LUC7L: variants seen among roughly 807,000 people sequenced by gnomAD.
LUC7L encodes LUC7 like.
Under a neutral mutation model 51.1 loss-of-function variants are expected in LUC7L, and 29 were observed. That is an observed-to-expected ratio of 0.57 (90% CI 0.42 to 0.77). LUC7L has a LOEUF of 0.77. Among genes scored for constraint, LUC7L ranks in the 30% least tolerant of loss-of-function variants. The pLI is 0.00. For synonymous variants in LUC7L, 181 were observed against 180.7 expected (o/e 1.00, Z -0.01); for missense variants, 403 against 511.9 (o/e 0.79, Z 2.05).
chr16:204,792 G>A (rs2049435641), intron 5 of LUC7L, among the ~76,000 whole-genome samples: 1 of 152,084 alleles, frequency 6.6e-6, no homozygotes, highest in Admixed American at 6.6e-5. Context: ...GTAATATCAT[G>A]GCTGTTCTTG....
intron 1 of LUC7L, chr16:228,867 C>A: frequency 2.3e-6 from 3 of 1,305,962 alleles, no homozygotes; most frequent in South Asian, 1.2e-5. Context: ...GCCCATCCGG[C>A]TCCCTCGGGT....
intron 6 of LUC7L, among the ~76,000 whole-genome samples, chr16:195,425 CCT>C (rs2049122095): frequency 6.6e-6 from 1 of 151,720 alleles, no homozygotes; most frequent in South Asian, 2.1e-4. Flanking sequence ...AGAGGGAGAC[CCT>C]GTCTCTGAAA....
intron 2 of LUC7L, among the ~76,000 whole-genome samples, chr16:222,846 T>C (rs1241341755): frequency 1.3e-5 from 2 of 149,698 alleles, no homozygotes; most frequent in African/African-American, 2.5e-5. Context: ...GTCAGGCTGG[T>C]CTCGAACTGC....
chr16:193,251 ATTC>A (rs2049058746), intron 6 of LUC7L, among the ~76,000 whole-genome samples: 1 of 150,888 alleles, frequency 6.6e-6, no homozygotes, highest in Non-Finnish European at 1.5e-5. Flanking sequence ...AGTTCAACCT[ATTC>A]TTCTGCCTCG....
Position 199,062 on chromosome 16 carries a change from C to G in LUC7L, c.687G>C (p.Arg229Ser). Residue 229 changes from arginine (R) to serine (S), a missense_variant and splice_region_variant, in exon 6 of 10, where the codon AGG becomes AGC. Physicochemically the swap from Arg to Ser is moderately radical, Grantham distance 110. Transcript: ENST00000293872. ...TTTCTCCAGAAACAGATGAACATACCCTCAACTGATCAAGCTTCTCTCGGA... is the reference window on the plus strand; with the variant it reads ...TTTCTCCAGAAACAGATGAACATACGCTCAACTGATCAAGCTTCTCTCGGA... ...IQIREKLDQL[R>S]KTVAEKQEKR... 3 of 1,604,196 alleles carry G rather than the reference C, an allele frequency of 1.9e-6. No homozygotes were observed. The highest frequency in any genetic ancestry group is 2.6e-6 in the Non-Finnish European group (3 of 1,172,230).
chr16:201,118 G>A lies in LUC7L; in HGVS notation c.511-1880C>T, dbSNP rs1178711809. ...CGGGAGTCAGAGGATGCAGTGAGCC[G>A]AGATCGCACCACAGCAATCCAGCCT... is the stretch of plus-strand genomic sequence containing the variant. On this transcript the variant is annotated intron_variant, in intron 5 of 9. Transcript: ENST00000293872. 2.1e-5 allele frequency among the ~76,000 whole-genome samples: 3 copies of A among 143,756 alleles called. 1 individual carries two copies. In the Admixed American group the frequency reaches 2.1e-4, roughly 10 times the overall value. 94.3% of individuals were successfully genotyped at this position (143,756 alleles called of 152,430 possible).
At chr16:222,215 G>A (rs532427446) in intron 2 of LUC7L, among the ~76,000 whole-genome samples, 1 of 151,886 alleles carries the variant, frequency 6.6e-6, no homozygotes, top group African/African-American at 2.4e-5. Flanking sequence ...CAGCAACAGG[G>A]AGGTTTGTGT....
intron 3 of LUC7L, among the ~76,000 whole-genome samples, chr16:212,418 C>T (rs2049670184): frequency 6.6e-6 from 1 of 152,140 alleles, no homozygotes; most frequent in Non-Finnish European, 1.5e-5. Context: ...GGTCTGGCTC[C>T]AAAGACCTGC....
chr16:199,295 T>G (rs2049252179), intron 5 of LUC7L, 57 bp from the exon 6 acceptor site: 1 of 1,095,084 alleles, frequency 9.1e-7, no homozygotes, highest in Non-Finnish European at 1.3e-6. Context: ...CACCACAAAT[T>G]CAATCTCCAA....
intron 1 of LUC7L, chr16:228,298 TTGTTA>T (rs2050179411): frequency 8.4e-6 from 11 of 1,303,252 alleles, no homozygotes; most frequent in Non-Finnish European, 1.1e-5. Context: ...AAACACTTTT[TTGTTA>T]TAACAGCTTA....
intron 5 of LUC7L, among the ~76,000 whole-genome samples, chr16:204,212 G>A (rs574509175): frequency 3.0e-4 from 46 of 151,964 alleles, no homozygotes; most frequent in African/African-American, 1.1e-3. Flanking sequence ...GGGAGGCCAA[G>A]GCAGACGGAT....
chr16:213,173 T>C (rs2049693605), intron 3 of LUC7L, among the ~76,000 whole-genome samples: 2 of 152,154 alleles, frequency 1.3e-5, no homozygotes, highest in South Asian at 4.1e-4. Flanking sequence ...ATAGCACACA[T>C]CCTTTCCTAG....
At chr16:199,472 G>T (rs1044517803) in intron 5 of LUC7L, among the ~76,000 whole-genome samples, 17 of 152,162 alleles carry the variant, frequency 1.1e-4, no homozygotes, top group African/African-American at 4.1e-4. Context: ...GGACCATGTG[G>T]TCAAGAGATC....
At chr16:220,488 AT>A in intron 3 of LUC7L, 160 bp downstream of exon 3, 1 of 623,556 alleles carries the variant, frequency 1.6e-6, no homozygotes, top group Non-Finnish European at 2.9e-6. Flanking sequence ...GACACAACAT[AT>A]AAACAGTACT....
intron 4 of LUC7L, among the ~76,000 whole-genome samples, chr16:207,200 TAA>T (rs1412645306): frequency 7.0e-6 from 1 of 142,714 alleles, no homozygotes; most frequent in Admixed American, 7.0e-5. Context: ...CTCTGTCTCT[TAA>T]AAAAAAAAAA....
intron 6 of LUC7L, among the ~76,000 whole-genome samples, chr16:193,367 G>C (rs971123652): frequency 2.0e-5 from 3 of 151,674 alleles, no homozygotes; most frequent in African/African-American, 7.3e-5. Context: ...GGATGGTCTT[G>C]ATCTCTTGAC....
intron 7 of LUC7L, among the ~76,000 whole-genome samples, chr16:191,250 C>G (rs2049002094): frequency 6.6e-6 from 1 of 152,188 alleles, no homozygotes; most frequent in Non-Finnish European, 1.5e-5. Context: ...GTGGGGCACA[C>G]CAAAAACACA....
At chr16:222,864 A>ACCTTGGTG (rs2050013069) in intron 2 of LUC7L, among the ~76,000 whole-genome samples, 1 of 150,072 alleles carries the variant, frequency 6.7e-6, no homozygotes, top group Non-Finnish European at 1.5e-5. Context: ...TGCTGACCTC[A>ACCTTGGTG]GGTGATCCAC....
In LUC7L at chr16:192,012, G is replaced by A. The variant is rs564125605; in HGVS notation, c.776+915C>T. ...AGACTCAACAGCCCCACCTCAAGAT[G>A]GCCTCTCAAGCTGAGTGTGGCCAGA... On this transcript the variant is annotated intron_variant, in intron 7 of 9. Coordinates refer to ENST00000293872, the MANE Select transcript of LUC7L (RefSeq NM_201412.3). Among the ~76,000 whole-genome samples the A allele has an allele frequency of 3.3e-5, 5 of 152,126 alleles. No homozygotes were observed. The South Asian group carries it at 8.3e-4, about 25-fold the overall frequency.
Sources: allele counts gnomAD v4.1 joint callset (sites outside exome capture counted in the v4.1 genomes callset), GRCh38; gene constraint gnomAD v4.1.1; transcripts MANE v1.5; gene names NCBI Gene and HGNC (gene_info 2026-07-23, HGNC 2026-07-21).